The following IQSEC1 variants were observed in gnomAD, a reference collection of about 807,000 sequenced individuals.
IQSEC1 encodes the protein IQ motif and SEC7 domain-containing protein 1.
Under a neutral mutation model 91.0 loss-of-function variants are expected in IQSEC1, and 31 were observed. The ratio of observed to expected loss-of-function variants is 0.34; its 90% CI spans 0.26 to 0.46. The LOEUF is 0.46. IQSEC1 is among the 20% of genes least tolerant of loss of function. The probability of loss-of-function intolerance (pLI) is 1.00; values close to 1 mark genes in which losing one functional copy is unlikely to be tolerated. For synonymous variants in IQSEC1, 699 were observed against 662.6 expected (o/e 1.05, Z -0.84); for missense variants, 1,388 against 1,575.6 (o/e 0.88, Z 2.02).
chr3:13,094,542 C>T (rs747774320), intron 2 of IQSEC1, among the ~76,000 whole-genome samples: 9 of 152,158 alleles, frequency 5.9e-5, no homozygotes, highest in Non-Finnish European at 1.0e-4. Context: ...TCCACTCAAC[C>T]TCTCTCTCCT....
chr3:13,064,496 T>C (rs1276457493), intron 1 of IQSEC1, among the ~76,000 whole-genome samples: 1 of 152,228 alleles, frequency 6.6e-6, no homozygotes, highest in Non-Finnish European at 1.5e-5. Flanking sequence ...GCCTACCCTA[T>C]AGTCACCTGC....
intron 1 of IQSEC1, among the ~76,000 whole-genome samples, chr3:13,202,557 C>T (rs1303465304): frequency 6.6e-6 from 1 of 152,094 alleles, no homozygotes; most frequent in African/African-American, 2.4e-5. Flanking sequence ...GTGACTGCCC[C>T]TAGATGAGGT....
intron 2 of IQSEC1, among the ~76,000 whole-genome samples, chr3:13,109,686 C>T (rs757327586): frequency 1.8e-4 from 28 of 152,122 alleles, no homozygotes; most frequent in Non-Finnish European, 3.5e-4. Context: ...CCTTTCTCTT[C>T]CTTCACCTTC....
chr3:13,248,667 TAA>T (rs1432107950), intron 1 of IQSEC1, among the ~76,000 whole-genome samples: 5 of 152,224 alleles, frequency 3.3e-5, no homozygotes, highest in Non-Finnish European at 1.5e-5. Context: ...GAAGGTTAAA[TAA>T]AGTGCTGTAA....
intron 1 of IQSEC1, among the ~76,000 whole-genome samples, chr3:13,203,194 CTCT>C (rs1374482981): frequency 6.6e-6 from 1 of 151,364 alleles, no homozygotes; most frequent in Non-Finnish European, 1.5e-5. Flanking sequence ...CACACACACA[CTCT>C]TATGCTCACA....
At chr3:13,163,305 A>G (rs1381785018) in intron 2 of IQSEC1, among the ~76,000 whole-genome samples, 2 of 152,018 alleles carry the variant, frequency 1.3e-5, no homozygotes, top group Non-Finnish European at 2.9e-5. Flanking sequence ...GTAACATCAC[A>G]ATACAAACCA....
chr3:13,045,407 G>A lies in IQSEC1; in HGVS notation c.23+27585C>T, dbSNP rs529147584. 3.7e-4 allele frequency among the ~76,000 whole-genome samples: 57 copies of A among 152,298 alleles called. 1 individual carries two copies. In the South Asian group the frequency reaches 0.011, roughly 29 times the overall value. On this transcript the variant is annotated intron_variant, in intron 1 of 13. Transcript: ENST00000613206. ...GAGGGATCCTGAGTGCCCGACACCC[G>A]CAGGTGCTCAGGAAATGTGGCTGAA...
In IQSEC1 at chr3:13,252,880, C is replaced by T. The variant is rs143700997; in HGVS notation, c.272+29831G>A. 1.1e-3 allele frequency among the ~76,000 whole-genome samples: 166 copies of T among 152,234 alleles called. 1 individual carries two copies. In the Middle Eastern group the frequency reaches 0.014, roughly 12 times the overall value. ...CCCGAGTAGCTGGGACCACAGGCAC[C>T]CGCCACCACTCCCGGCCAATTTTTT... On this transcript the variant is annotated intron_variant, in intron 1 of 15. Transcript: ENST00000648114.
In IQSEC1 at chr3:12,900,281, G is replaced by A; in HGVS notation, c.*702C>T. ...CAGTCCTAGAGGGACTTCTTTGTAT[G>A]AAAATATGAAGTATCTGAATTTGTT... is the stretch of plus-strand genomic sequence containing the variant. On this transcript the variant is annotated 3_prime_UTR_variant, in exon 14 of 14. Coordinates refer to ENST00000613206, the MANE Select transcript of IQSEC1 (RefSeq NM_001134382.3). 1 of 984,834 alleles carries A rather than the reference G, an allele frequency of 1.0e-6. No individual in the cohort carries two copies. Among genetic ancestry groups the A allele is most frequent in the Non-Finnish European group, 1.2e-6 (1 of 829,518 alleles). The allele number at this position is 984,834 out of a possible 1,614,324, so 61.0% of individuals were successfully genotyped here. A position where few individuals can be genotyped will look rare whatever the true frequency, so the allele number is the denominator to read the frequency against.
Position 12,899,055 on chromosome 3 carries a change from T to C in IQSEC1, c.*1928A>G. ...AGGTGGGCGGGTTAAAGTCACATTT[T>C]TAAAAAGGCTAAACTCTAGATTGCT... On this transcript the variant is annotated 3_prime_UTR_variant, in exon 14 of 14. Coordinates refer to ENST00000613206, the MANE Select transcript of IQSEC1 (RefSeq NM_001134382.3). 1 of 328,908 alleles carries C rather than the reference T, an allele frequency of 3.0e-6. No individual in the cohort carries two copies. The allele number at this position is 328,908 out of a possible 1,614,324, so 20.4% of individuals were successfully genotyped here.
chr3:12,903,392 C>T (rs1038659378), intron 12 of IQSEC1, among the ~76,000 whole-genome samples: 1 of 152,226 alleles, frequency 6.6e-6, no homozygotes, highest in Non-Finnish European at 1.5e-5. Flanking sequence ...CGCAGGAGCT[C>T]AGTTTTGGTT....
chr3:12,910,954 G>T (rs1452762114), intron 10 of IQSEC1, among the ~76,000 whole-genome samples: 1 of 152,218 alleles, frequency 6.6e-6, no homozygotes, highest in African/African-American at 2.4e-5. Context: ...CAAAGGAGGG[G>T]GAAGAGAAGC....
chr3:13,205,087 C>G (rs570350027), intron 1 of IQSEC1, among the ~76,000 whole-genome samples: 1 of 151,660 alleles, frequency 6.6e-6, no homozygotes. Flanking sequence ...TGTGAGCCAC[C>G]GCGCCTGGCC....
chr3:12,952,493 G>A (rs1442865418), intron 1 of IQSEC1, among the ~76,000 whole-genome samples: 1 of 152,144 alleles, frequency 6.6e-6, no homozygotes, highest in Non-Finnish European at 1.5e-5. Flanking sequence ...GGCCTCTCCA[G>A]GCTCTTCTAG....
intron 2 of IQSEC1, among the ~76,000 whole-genome samples, chr3:13,154,492 A>C (rs575395940): frequency 1.3e-5 from 1 of 76,646 alleles, no homozygotes; most frequent in African/African-American, 5.2e-5. Flanking sequence ...AACTGATACA[A>C]CTGAAGGGAG....
intron 1 of IQSEC1, among the ~76,000 whole-genome samples, chr3:13,244,392 A>G (rs1177356568): frequency 6.6e-6 from 1 of 152,194 alleles, no homozygotes; most frequent in African/African-American, 2.4e-5. Context: ...AAGTGCAGAA[A>G]CAGCTGAAAT....
chr3:12,923,006 C>A (rs1430273358), intron 4 of IQSEC1, among the ~76,000 whole-genome samples: 2 of 152,186 alleles, frequency 1.3e-5, no homozygotes, highest in African/African-American at 4.8e-5. Context: ...GACCCCTCTC[C>A]CAGGGCCATC....
Position 12,936,038 on chromosome 3 carries a change from G to A in IQSEC1, c.978C>T (p.Ala326=), listed in dbSNP as rs753331960. ...SDLRLRAGGA[A]PDYWALAHKE... ...TGTGGGCCAGGGCCCAGTAGTCTGGGGCTGCGCCCCCAGCCCGTAGCCGCA... is the reference window on the plus strand; with the variant it reads ...TGTGGGCCAGGGCCCAGTAGTCTGGAGCTGCGCCCCCAGCCCGTAGCCGCA... The change falls in exon 3 of 14, where the codon GCC becomes GCT. Residue 326 remains alanine, a synonymous_variant. Coordinates refer to ENST00000613206, the MANE Select transcript of IQSEC1 (RefSeq NM_001134382.3). The A allele has an allele frequency of 1.4e-5, 23 of 1,603,074 alleles. No homozygotes were observed. The highest frequency in any genetic ancestry group is 5.3e-5 in the African/African-American group (4 of 74,932).
At chr3:13,002,622 G>A (rs1039199806) in intron 1 of IQSEC1, among the ~76,000 whole-genome samples, 1 of 151,382 alleles carries the variant, frequency 6.6e-6, no homozygotes, top group Non-Finnish European at 1.5e-5. Flanking sequence ...TGTAGAGTAT[G>A]CAAATAACTC....
Sources: gnomAD v4.1 joint callset for allele counts (sites outside exome capture counted in the v4.1 genomes callset) on GRCh38, gnomAD v4.1.1 for gene constraint, MANE v1.5 for transcripts, NCBI Gene and HGNC (gene_info 2026-07-23, HGNC 2026-07-21) for gene names.